TMEM108: variants seen among roughly 807,000 people sequenced by gnomAD.
TMEM108 encodes the protein cancer/testis antigen 124.
In TMEM108, 12 loss-of-function variants were observed where a neutral mutation model predicts 35.1. That is an observed-to-expected ratio of 0.34 (90% CI 0.22 to 0.55). The LOEUF is 0.55. TMEM108 is among the 20% of genes least tolerant of loss of function. The pLI is 0.89. For missense variants in TMEM108, 680 were observed against 753.3 expected, an observed-to-expected ratio of 0.90 and a Z score of 1.14; for synonymous variants, 287 against 308.6, an observed-to-expected ratio of 0.93 and a Z score of 0.73.
intron 1 of TMEM108, among the ~76,000 whole-genome samples, chr3:133,040,207 T>G (rs1943257589): frequency 2.0e-5 from 1 of 51,088 alleles, no homozygotes; most frequent in African/African-American, 5.6e-5. Flanking sequence ...TGTTTGTTTG[T>G]TTTTTTTTTT....
At chr3:133,229,973 G>T (rs947737845) in intron 3 of TMEM108, among the ~76,000 whole-genome samples, 2 of 152,190 alleles carry the variant, frequency 1.3e-5, no homozygotes, top group African/African-American at 4.8e-5. Context: ...TTGCCATGTA[G>T]TGATTGTACT....
chr3:133,131,361 C>T (rs2107744885), intron 2 of TMEM108, among the ~76,000 whole-genome samples: 1 of 151,700 alleles, frequency 6.6e-6, no homozygotes, highest in East Asian at 1.9e-4. Flanking sequence ...AGGTTTATGG[C>T]AACCCTGCAT....
chr3:133,087,203 G>T (rs1943894927), intron 2 of TMEM108, among the ~76,000 whole-genome samples: 1 of 152,140 alleles, frequency 6.6e-6, no homozygotes, highest in Admixed American at 6.6e-5. Context: ...GTGTGTCCTT[G>T]ACCTGCTTCC....
At chr3:133,116,725 T>C (rs1944292306) in intron 2 of TMEM108, among the ~76,000 whole-genome samples, 1 of 152,166 alleles carries the variant, frequency 6.6e-6, no homozygotes, top group Non-Finnish European at 1.5e-5. Flanking sequence ...GAGATACCAG[T>C]GTACCAGTGC....
intron 2 of TMEM108, among the ~76,000 whole-genome samples, chr3:133,208,625 C>A (rs1041942563): frequency 6.6e-6 from 1 of 152,172 alleles, no homozygotes; most frequent in Non-Finnish European, 1.5e-5. Flanking sequence ...CTTGTCCTCT[C>A]CTGAATATAT....
chr3:133,142,495 T>C (rs1236496861), intron 2 of TMEM108, among the ~76,000 whole-genome samples: 1 of 152,110 alleles, frequency 6.6e-6, no homozygotes, highest in Non-Finnish European at 1.5e-5. Context: ...TCAGGGTGGA[T>C]GTGTGTGCTG....
At chr3:133,176,669 T>C (rs1252518604) in intron 2 of TMEM108, among the ~76,000 whole-genome samples, 3 of 149,158 alleles carry the variant, frequency 2.0e-5, no homozygotes, top group Admixed American at 2.0e-4. Flanking sequence ...TTCAAAGCAG[T>C]GTGTAGAGGG....
intron 3 of TMEM108, among the ~76,000 whole-genome samples, chr3:133,360,628 C>G (rs1276512438): frequency 2.0e-5 from 3 of 152,214 alleles, no homozygotes; most frequent in Non-Finnish European, 4.4e-5. Context: ...ATTGAAGGTT[C>G]CCACTCACCA....
At chr3:133,124,487 T>A (rs995364676) in intron 2 of TMEM108, among the ~76,000 whole-genome samples, 4 of 152,172 alleles carry the variant, frequency 2.6e-5, no homozygotes, top group African/African-American at 9.7e-5. Context: ...GCCTCAAGCC[T>A]GTGGACGTTT....
chr3:133,372,129 A>C (rs4479595), intron 3 of TMEM108, among the ~76,000 whole-genome samples: 23,572 of 152,238 alleles, frequency 0.15, 2,001 homozygotes, highest in East Asian at 0.3. Flanking sequence ...GTTGCCCCCA[A>C]GTGTTGCTGC....
intron 3 of TMEM108, among the ~76,000 whole-genome samples, chr3:133,317,701 A>G (rs971911783): frequency 6.6e-6 from 1 of 152,218 alleles, no homozygotes. Context: ...TATTTTCAAT[A>G]TAACTCCATC....
intron 2 of TMEM108, among the ~76,000 whole-genome samples, chr3:133,217,053 T>A (rs1361696126): frequency 1.3e-5 from 2 of 152,106 alleles, no homozygotes; most frequent in African/African-American, 4.8e-5. Context: ...ATCAACAGTG[T>A]GCAAGAGTTC....
intron 2 of TMEM108, among the ~76,000 whole-genome samples, chr3:133,080,624 G>A (rs935609899): frequency 6.6e-6 from 1 of 151,806 alleles, no homozygotes; most frequent in African/African-American, 2.4e-5. Context: ...CACATATTTG[G>A]TTATTCACAT....
intron 2 of TMEM108, among the ~76,000 whole-genome samples, chr3:133,154,688 A>G (rs1235164062): frequency 6.6e-6 from 1 of 151,960 alleles, no homozygotes; most frequent in Non-Finnish European, 1.5e-5. Flanking sequence ...AGGAAGGGGA[A>G]CATCACACAC....
chr3:133,086,576 T>A (rs1056328480), intron 2 of TMEM108, among the ~76,000 whole-genome samples: 8 of 152,202 alleles, frequency 5.3e-5, no homozygotes, highest in African/African-American at 1.9e-4. Flanking sequence ...GAGATGAGCA[T>A]TTTTTAAAAC....
At chr3:133,160,402 T>G (rs570991387) in intron 2 of TMEM108, among the ~76,000 whole-genome samples, 1 of 152,352 alleles carries the variant, frequency 6.6e-6, no homozygotes, top group East Asian at 1.9e-4. Flanking sequence ...AATGATGTTC[T>G]CTGTTCCTCT....
intron 3 of TMEM108, among the ~76,000 whole-genome samples, chr3:133,337,305 G>A (rs1486745220): frequency 1.3e-5 from 2 of 152,152 alleles, no homozygotes; most frequent in Non-Finnish European, 2.9e-5. Flanking sequence ...GTAGCTACAG[G>A]GGCGCTTGTG....
chr3:133,300,283 C>A (rs189174343), intron 3 of TMEM108, among the ~76,000 whole-genome samples: 4 of 152,086 alleles, frequency 2.6e-5, no homozygotes, highest in Admixed American at 6.5e-5. Flanking sequence ...ATGCAGGATA[C>A]CTGATGGTGT....
chr3:133,058,693 A>G (rs1943502669), intron 2 of TMEM108, among the ~76,000 whole-genome samples: 1 of 152,118 alleles, frequency 6.6e-6, no homozygotes, highest in East Asian at 1.9e-4. Context: ...CTCCATGTTT[A>G]CCTGGCTTTG....
Sources: gnomAD v4.1 joint callset for allele counts (sites outside exome capture counted in the v4.1 genomes callset) on GRCh38, gnomAD v4.1.1 for gene constraint, MANE v1.5 for transcripts, NCBI Gene and HGNC (gene_info 2026-07-23, HGNC 2026-07-21) for gene names.